TAFA5: variants seen among roughly 807,000 people sequenced by gnomAD.
TAFA5 encodes chemokine-like protein TAFA-5.
Under a neutral mutation model 15.3 loss-of-function variants are expected in TAFA5, and 6 were observed. That is an observed-to-expected ratio of 0.39 (90% CI 0.21 to 0.77). TAFA5 has a LOEUF of 0.77. TAFA5 is among the 30% of genes least tolerant of loss of function. TAFA5 has a pLI of 0.41. For synonymous variants in TAFA5, 103 were observed against 80.7 expected (o/e 1.28, Z -1.48); for missense variants, 161 against 193.1 (o/e 0.83, Z 0.98).
chr22:48,639,543 C>T (rs534144372), intron 1 of TAFA5, among the ~76,000 whole-genome samples: 1 of 152,334 alleles, frequency 6.6e-6, no homozygotes, highest in South Asian at 2.1e-4. Context: ...CCCTGAGGGC[C>T]TGTTTCCCGC....
In TAFA5 at chr22:48,543,132, G is replaced by A. The variant is rs561039603; in HGVS notation, c.112+53428G>A. On this transcript the variant is annotated intron_variant, in intron 1 of 3. Coordinates refer to ENST00000402357, the MANE Select transcript of TAFA5 (RefSeq NM_001082967.3). Reference sequence around the variant, plus strand: ...CCTGGAGCCCTCCACGTCCTCCCCTGGCATCTGCGTCTCTGAACATCTCCT... The same window carrying A: ...CCTGGAGCCCTCCACGTCCTCCCCTAGCATCTGCGTCTCTGAACATCTCCT... Among the ~76,000 whole-genome samples, 441 of 152,082 alleles carry A rather than the reference G, an allele frequency of 2.9e-3. 4 individuals carry two copies. The highest frequency in any genetic ancestry group is 0.01 in the African/African-American group (416 of 41,442).
At chr22:48,662,243 A>G (rs963244730) in intron 2 of TAFA5, among the ~76,000 whole-genome samples, 1 of 152,084 alleles carries the variant, frequency 6.6e-6, no homozygotes, top group African/African-American at 2.4e-5. Flanking sequence ...GGAGGTTGGC[A>G]TGGTGCAGGG....
At chr22:48,660,960 C>T (rs1432682950) in intron 2 of TAFA5, among the ~76,000 whole-genome samples, 4 of 151,772 alleles carry the variant, frequency 2.6e-5, no homozygotes, top group Admixed American at 6.6e-5. Flanking sequence ...CGTGTCTCTT[C>T]GGGGGAAACT....
chr22:48,644,181 G>T (rs116571447), intron 1 of TAFA5, among the ~76,000 whole-genome samples: 1,789 of 152,276 alleles, frequency 0.012, 37 homozygotes, highest in African/African-American at 0.041. Flanking sequence ...GTGCAATTTG[G>T]TAGTGGAAGT....
intron 1 of TAFA5, among the ~76,000 whole-genome samples, chr22:48,596,680 T>C (rs1231016345): frequency 6.6e-6 from 1 of 152,112 alleles, no homozygotes; most frequent in Non-Finnish European, 1.5e-5. Flanking sequence ...ACACCAGCGC[T>C]CACTCTTGGC....
chr22:48,519,182 T>C (rs1399592459), intron 1 of TAFA5, among the ~76,000 whole-genome samples: 1 of 152,370 alleles, frequency 6.6e-6, no homozygotes, highest in Admixed American at 6.5e-5. Flanking sequence ...ATTTGCTTTC[T>C]CAGCCGATGC....
At chr22:48,509,232 C>T (rs1921122239) in intron 1 of TAFA5, among the ~76,000 whole-genome samples, 1 of 152,172 alleles carries the variant, frequency 6.6e-6, no homozygotes, top group Non-Finnish European at 1.5e-5. Context: ...TAGGCTGATT[C>T]TGCGTCGTGG....
At chr22:48,744,301 G>C (rs1303332920) in intron 3 of TAFA5, among the ~76,000 whole-genome samples, 1 of 152,244 alleles carries the variant, frequency 6.6e-6, no homozygotes, top group African/African-American at 2.4e-5. Flanking sequence ...CAGGCTCCAA[G>C]GTGGGGGCCA....
At chr22:48,517,593 G>A (rs574107628) in intron 1 of TAFA5, among the ~76,000 whole-genome samples, 6 of 152,166 alleles carry the variant, frequency 3.9e-5, no homozygotes, top group Admixed American at 6.5e-5. Flanking sequence ...GCTCTGTCCC[G>A]CGTACGGGCA....
chr22:48,604,657 G>A (rs1355824585), intron 1 of TAFA5, among the ~76,000 whole-genome samples: 2 of 152,202 alleles, frequency 1.3e-5, no homozygotes, highest in Non-Finnish European at 2.9e-5. Flanking sequence ...TGGGAGGTGT[G>A]CAAGCCCCCA....
intron 1 of TAFA5, among the ~76,000 whole-genome samples, chr22:48,532,700 C>T (rs1922014865): frequency 6.6e-6 from 1 of 152,094 alleles, no homozygotes; most frequent in Non-Finnish European, 1.5e-5. Context: ...TCCAGGTCAC[C>T]ATGAAAGGGG....
chr22:48,699,234 A>C (rs1273960814), intron 2 of TAFA5, among the ~76,000 whole-genome samples: 1 of 152,096 alleles, frequency 6.6e-6, no homozygotes, highest in African/African-American at 2.4e-5. Context: ...TGCCCTGCTG[A>C]CAACGCCTTT....
In TAFA5 at chr22:48,742,794, C is replaced by T. The variant is rs1311952664; in HGVS notation, c.391-7045C>T. On this transcript the variant is annotated intron_variant, in intron 3 of 3. Transcript: ENST00000402357. This position sits in a 1 kb window ranked among gnomAD's most constrained non-coding sequence, Gnocchi z 6.2. Reference sequence around the variant, plus strand: ...TGGTGTATTAGAAGAGGAGAGATGGCCTGGGGTGCTCAGCGGGGCTGAGTC... The same window carrying T: ...TGGTGTATTAGAAGAGGAGAGATGGTCTGGGGTGCTCAGCGGGGCTGAGTC... Among the ~76,000 whole-genome samples, 1 of 152,154 alleles carries T rather than the reference C, an allele frequency of 6.6e-6. No individual in the cohort carries two copies. Among genetic ancestry groups the T allele is most frequent in the African/African-American group, 2.4e-5 (1 of 41,434 alleles).
chr22:48,507,210 TGTGC>T lies in TAFA5; in HGVS notation c.112+17507_112+17510del, dbSNP rs1343338969. 1.8e-3 allele frequency among the ~76,000 whole-genome samples: 220 copies of T among 119,750 alleles called. 2 individuals carry two copies. The highest frequency in any genetic ancestry group is 7.7e-3 in the African/African-American group (203 of 26,194). 78.6% of individuals were successfully genotyped at this position (119,750 alleles called of 152,430 possible). ...AAGGAGACGGCCGCCAAGGGCCAGG[TGTGC>T]AGTTGGAGGAGAAGGAGACAGTCAT... is the stretch of plus-strand genomic sequence containing the variant. On this transcript the variant is annotated intron_variant, in intron 1 of 3. Transcript: ENST00000402357.
intron 1 of TAFA5, among the ~76,000 whole-genome samples, chr22:48,632,501 G>C (rs1443361140): frequency 7.7e-6 from 1 of 130,594 alleles, no homozygotes; most frequent in Non-Finnish European, 1.5e-5. Context: ...TGCCTGGCCA[G>C]GCTGGGACCT....
At chr22:48,526,039 G>A (rs1186800580) in intron 1 of TAFA5, among the ~76,000 whole-genome samples, 1 of 152,244 alleles carries the variant, frequency 6.6e-6, no homozygotes, top group Non-Finnish European at 1.5e-5. Flanking sequence ...CAGGTTTCAC[G>A]GATCTCTGCA....
At chr22:48,542,598 T>C (rs1375780248) in intron 1 of TAFA5, among the ~76,000 whole-genome samples, 16 of 100,540 alleles carry the variant, frequency 1.6e-4, no homozygotes, top group Admixed American at 5.3e-4. Flanking sequence ...GTGTGGTGTG[T>C]ATGTGTGTGT....
At chr22:48,529,903 G>T (rs1921915643) in intron 1 of TAFA5, among the ~76,000 whole-genome samples, 1 of 152,092 alleles carries the variant, frequency 6.6e-6, no homozygotes, top group Non-Finnish European at 1.5e-5. Context: ...CTGGAAGAAA[G>T]AGCTTCCAGG....
intron 2 of TAFA5, among the ~76,000 whole-genome samples, chr22:48,702,652 C>T (rs546507779): frequency 4.0e-4 from 61 of 152,356 alleles, no homozygotes; most frequent in Admixed American, 1.5e-3. Flanking sequence ...TTTCAGTCAC[C>T]GTCACTCACG....
Sources: gnomAD v4.1 joint callset for allele counts (sites outside exome capture counted in the v4.1 genomes callset) on GRCh38, gnomAD v4.1.1 for gene constraint, Gnocchi (gnomAD v3.1) non-coding constraint, MANE v1.5 for transcripts, NCBI Gene and HGNC (gene_info 2026-07-23, HGNC 2026-07-21) for gene names.